Variants in EYS observed in about 807,000 individuals in gnomAD.
EYS encodes protein eyes shut homolog.
A neutral mutation model predicts 282.1 loss-of-function variants in EYS; 250 were observed. The observed-to-expected ratio is 0.89, with a 90% CI of 0.80 to 0.98. The LOEUF (loss-of-function observed/expected upper bound fraction) is 0.98. Among genes scored for constraint, EYS ranks in the 50% least tolerant of loss-of-function variants. EYS has a pLI of 0.00. For synonymous variants in EYS, 1,355 were observed against 1,282.9 expected (o/e 1.06, Z -1.20); for missense variants, 4,016 against 3,709.0 (o/e 1.08, Z -2.15).
chr6:65,415,586 C>T (rs1055951018), intron 5 of EYS, among the ~76,000 whole-genome samples: 2 of 151,972 alleles, frequency 1.3e-5, no homozygotes, highest in Non-Finnish European at 1.5e-5. Context: ...TCCCGCCCAC[C>T]GGTAAAGGGA....
Position 63,999,086 on chromosome 6 carries a change from G to A in EYS, c.6823C>T (p.His2275Tyr). 1.3e-6 allele frequency: 2 copies of A among 1,548,260 alleles called. No homozygotes were observed. Among genetic ancestry groups the A allele is most frequent in the Non-Finnish European group, 1.7e-6 (2 of 1,143,544 alleles). ...PVQKKDTEIS[H>Y]ASQAYFESMF... Reference sequence around the variant, plus strand: ...ATTTGCATACCTACCTGAGAGGCATGGGAAATCTCTGTGTCTTTCTTCTGT... The same window carrying A: ...ATTTGCATACCTACCTGAGAGGCATAGGAAATCTCTGTGTCTTTCTTCTGT... The change falls in exon 34 of 43, where the codon CAT (histidine) becomes TAT (tyrosine). Residue 2275 changes from histidine to tyrosine, a missense_variant. Transcript: ENST00000503581.
At chr6:63,840,048 C>CT (rs530439771) in intron 36 of EYS, among the ~76,000 whole-genome samples, 4,402 of 124,474 alleles carry the variant, frequency 0.035, 92 homozygotes, top group African/African-American at 0.046. Context: ...TTGCCCATTT[C>CT]TTTTTTTTTT....
At chr6:64,606,767 A>C (rs939668921) in intron 24 of EYS, among the ~76,000 whole-genome samples, 2 of 151,164 alleles carry the variant, frequency 1.3e-5, no homozygotes, top group African/African-American at 4.9e-5. Context: ...ATGTGCACAC[A>C]GCCTTCTCCT....
chr6:65,617,091 C>A (rs567525689), intron 2 of EYS, among the ~76,000 whole-genome samples: 1 of 152,062 alleles, frequency 6.6e-6, no homozygotes, highest in Non-Finnish European at 1.5e-5. Flanking sequence ...TTTCTTTGAT[C>A]TTCAGTTCAG....
chr6:65,025,110 T>C (rs1772366139), intron 13 of EYS, among the ~76,000 whole-genome samples: 1 of 152,230 alleles, frequency 6.6e-6, no homozygotes, highest in African/African-American at 2.4e-5. Flanking sequence ...ATTTTAAAGA[T>C]TATTCAATAG....
intron 31 of EYS, among the ~76,000 whole-genome samples, chr6:64,147,098 T>C (rs1582339831): frequency 6.6e-6 from 1 of 152,280 alleles, no homozygotes; most frequent in East Asian, 1.9e-4. Flanking sequence ...CTTGACCCTG[T>C]TCAGTAAGAT....
chr6:64,232,486 T>C (rs930344191), intron 30 of EYS, among the ~76,000 whole-genome samples: 10 of 151,966 alleles, frequency 6.6e-5, no homozygotes, highest in Admixed American at 6.6e-4. Context: ...ACCTCCCGGG[T>C]TCAAGCAGTT....
intron 7 of EYS, among the ~76,000 whole-genome samples, chr6:65,386,158 A>T (rs1337730805): frequency 6.6e-6 from 1 of 150,852 alleles, no homozygotes; most frequent in Non-Finnish European, 1.5e-5. Flanking sequence ...AAGTGTTTCT[A>T]AACAGAGCAG....
At chr6:65,681,177 C>A (rs1768799388) in intron 1 of EYS, among the ~76,000 whole-genome samples, 1 of 151,274 alleles carries the variant, frequency 6.6e-6, no homozygotes, top group Admixed American at 6.6e-5. Context: ...GTTGAAGGCT[C>A]AGTTTCATGA....
At chr6:64,205,904 C>T (rs986583764) in intron 31 of EYS, among the ~76,000 whole-genome samples, 1 of 151,334 alleles carries the variant, frequency 6.6e-6, no homozygotes, top group Non-Finnish European at 1.5e-5. Context: ...CAATACAGAC[C>T]TGCAAGTGGC....
chr6:64,311,979 G>GTTTCTTTTTTTT (rs1769727208), intron 29 of EYS, among the ~76,000 whole-genome samples: 1 of 139,946 alleles, frequency 7.1e-6, no homozygotes, highest in African/African-American at 2.8e-5. Flanking sequence ...GCTGCAGAAG[G>GTTTCTTTTTTTT]TTTTTTTTTT....
intron 22 of EYS, among the ~76,000 whole-genome samples, chr6:64,765,477 A>G (rs1309143590): frequency 6.6e-6 from 1 of 152,180 alleles, no homozygotes; most frequent in Non-Finnish European, 1.5e-5. Flanking sequence ...ATTTTCAGGT[A>G]TCTTTATAGC....
At chr6:63,969,069 T>G (rs1331587678) in intron 35 of EYS, among the ~76,000 whole-genome samples, 1 of 152,234 alleles carries the variant, frequency 6.6e-6, no homozygotes, top group Non-Finnish European at 1.5e-5. Context: ...TTTTTCTGAG[T>G]GTTTTCACAG....
At chr6:65,007,838 C>A (rs536577904) in intron 13 of EYS, among the ~76,000 whole-genome samples, 1 of 152,292 alleles carries the variant, frequency 6.6e-6, no homozygotes, top group East Asian at 1.9e-4. Context: ...GGTAAATTCT[C>A]AGATAACCCT....
At chr6:65,293,873 T>G (rs1768593053) in intron 12 of EYS, among the ~76,000 whole-genome samples, 1 of 151,776 alleles carries the variant, frequency 6.6e-6, no homozygotes, top group South Asian at 2.1e-4. Flanking sequence ...GTGATGGGGA[T>G]CAGGGAAATA....
chr6:65,626,824 G>A (rs755355603), intron 2 of EYS, among the ~76,000 whole-genome samples: 1 of 151,052 alleles, frequency 6.6e-6, no homozygotes, highest in African/African-American at 2.4e-5. Context: ...GTGTGTGCTC[G>A]GCAGTGTTTT....
intron 12 of EYS, among the ~76,000 whole-genome samples, chr6:65,134,511 C>T (rs1459432823): frequency 6.6e-6 from 1 of 152,090 alleles, no homozygotes; most frequent in African/African-American, 2.4e-5. Context: ...AAACCAAATA[C>T]CACATGTTCT....
At chr6:63,988,284 T>G (rs1767458311) in intron 34 of EYS, among the ~76,000 whole-genome samples, 1 of 151,644 alleles carries the variant, frequency 6.6e-6, no homozygotes, top group African/African-American at 2.4e-5. Flanking sequence ...CCTGGAAAAG[T>G]GAACCTTTCA....
At position 65,117,518 on chromosome 6, in the gene EYS, G is replaced by A. The variant is rs371510043; in HGVS notation, c.2024-59791C>T. 8.8e-4 allele frequency among the ~76,000 whole-genome samples: 134 copies of A among 152,134 alleles called. 1 individual carries two copies. The highest frequency in any genetic ancestry group is 9.8e-4 in the Admixed American group (15 of 15,288). On this transcript the variant is annotated intron_variant, in intron 12 of 42. Coordinates refer to ENST00000503581, the MANE Select transcript of EYS (RefSeq NM_001142800.2). ...TCACATTACCCAAAATATCTGTCCC[G>A]CAGTCAATTGAACATAAATTTTCAA...
Sources: gnomAD v4.1 joint callset for allele counts (sites outside exome capture counted in the v4.1 genomes callset) on GRCh38, gnomAD v4.1.1 for gene constraint, MANE v1.5 for transcripts, NCBI Gene and HGNC (gene_info 2026-07-23, HGNC 2026-07-21) for gene names.